The following GABRA1 variants were observed in gnomAD, a reference collection of about 807,000 sequenced individuals.
GABRA1 encodes gamma-aminobutyric acid type A receptor subunit alpha1.
Under a neutral mutation model 48.9 loss-of-function variants are expected in GABRA1, and 9 were observed. That is an observed-to-expected ratio of 0.18 (90% confidence interval 0.11 to 0.32). The LOEUF (loss-of-function observed/expected upper bound fraction) is 0.32, where lower values mean the gene tolerates loss of function less well. Among genes scored for constraint, GABRA1 ranks in the 10% least tolerant of loss-of-function variants. The probability of loss-of-function intolerance (pLI) is 1.00; values close to 1 mark genes in which losing one functional copy is unlikely to be tolerated. For missense variants in GABRA1, 285 were observed against 553.8 expected (o/e 0.51, Z 4.87); for synonymous variants, 210 against 198.7 (o/e 1.06, Z -0.48).
At chr5:161,873,080 C>T (rs1754193704) in intron 4 of GABRA1, 37 bp from the exon 5 acceptor site, 3 of 1,463,550 alleles carry the variant, frequency 2.0e-6, no homozygotes, top group Non-Finnish European at 2.9e-6. Flanking sequence ...CAAAATACAG[C>T]ACAGTGAACT....
Position 161,899,170 on chromosome 5 carries a change from T to C in GABRA1, c.*1748T>C, listed in dbSNP as rs959488607. On this transcript the variant is annotated 3_prime_UTR_variant, in exon 10 of 10. Transcript: ENST00000393943. ...TTAGCATTATTGCCAAATAAGACAGTTGGGATCCAAACCCAAGTCTTGAGC... is the reference window on the plus strand; with the variant it reads ...TTAGCATTATTGCCAAATAAGACAGCTGGGATCCAAACCCAAGTCTTGAGC... 2 of 152,580 alleles carry C rather than the reference T, an allele frequency of 1.3e-5. No individual in the cohort carries two copies. The highest frequency in any genetic ancestry group is 2.4e-5 in the African/African-American group (1 of 41,454). 9.5% of individuals were successfully genotyped at this position (152,580 alleles called of 1,614,324 possible). A position where few individuals can be genotyped will look rare whatever the true frequency, so the allele number is the denominator to read the frequency against.
intron 4 of GABRA1, among the ~76,000 whole-genome samples, chr5:161,869,550 C>T (rs1561573501): frequency 1.3e-5 from 2 of 152,168 alleles, no homozygotes; most frequent in African/African-American, 4.8e-5. Context: ...TAGGTTCTGA[C>T]AGAAATATCC....
At chr5:161,870,429 C>T (rs62381655) in intron 4 of GABRA1, among the ~76,000 whole-genome samples, 40,866 of 151,502 alleles carry the variant, frequency 0.27, 6,442 homozygotes, top group Non-Finnish European at 0.36. Flanking sequence ...GGCCTGGTGG[C>T]GCATGCCTGT....
At chr5:161,850,361 A>G (rs564399212) in intron 1 of GABRA1, 32 of 360,684 alleles carry the variant, frequency 8.9e-5, no homozygotes, top group African/African-American at 6.3e-4. Context: ...CAATCCCTAA[A>G]TATGTTCTTC....
In GABRA1 at chr5:161,895,884, G is replaced by A; in HGVS notation, c.1059+16G>A. Reference sequence around the variant, plus strand: ...TCCAGAAAAGGTAAATGCTTTAATGGTCACTGTAGTACATCAATATTATGT... The same window carrying A: ...TCCAGAAAAGGTAAATGCTTTAATGATCACTGTAGTACATCAATATTATGT... On this transcript the variant is annotated intron_variant, in intron 9 of 9. Transcript: ENST00000393943. The A allele has an allele frequency of 1.9e-6, 3 of 1,587,792 alleles. No homozygotes were observed. The highest frequency in any genetic ancestry group is 1.7e-5 in the Admixed American group (1 of 59,998).
chr5:161,889,676 G>A (rs1489390798), intron 7 of GABRA1, among the ~76,000 whole-genome samples: 1 of 152,016 alleles, frequency 6.6e-6, no homozygotes, highest in African/African-American at 2.4e-5. Context: ...TACAGATTAG[G>A]AAGTTTGCTT....
At chr5:161,850,093 G>T (rs1757376654) in intron 1 of GABRA1, 1 of 152,594 alleles carries the variant, frequency 6.6e-6, no homozygotes, top group Non-Finnish European at 1.5e-5. Context: ...GTGTGTGTGT[G>T]TGTGTGTGTG....
chr5:161,875,575 T>C lies in GABRA1; in HGVS notation c.492T>C (p.Ala164=). ...LLYTMRLTVR[A]ECPMHLEDFP... ...TTCCCTTAAGGCTGACAGTGAGAGC[T>C]GAATGTCCGATGCATTTGGAGGACT... Residue 164 remains alanine (A), a synonymous_variant, in exon 6 of 10, where the codon GCT becomes GCC. Transcript: ENST00000393943. The C allele has an allele frequency of 1.9e-6, 3 of 1,613,440 alleles. No individual in the cohort carries two copies. Among genetic ancestry groups the C allele is most frequent in the Non-Finnish European group, 2.5e-6 (3 of 1,179,492 alleles).
intron 4 of GABRA1, among the ~76,000 whole-genome samples, chr5:161,871,008 A>T (rs1000240372): frequency 6.9e-6 from 1 of 145,932 alleles, no homozygotes; most frequent in African/African-American, 2.6e-5. Context: ...CTGGTACAGT[A>T]TTTGAAGGAA....
chr5:161,874,747 T>A, intron 5 of GABRA1, among the ~76,000 whole-genome samples: 1 of 152,276 alleles, frequency 6.6e-6, no homozygotes, highest in East Asian at 1.9e-4. Flanking sequence ...TCTATCTTAC[T>A]ACGTTTCTTG....
intron 4 of GABRA1, 93 bp from the exon 5 acceptor site, chr5:161,873,024 C>G: frequency 1.0e-6 from 1 of 958,726 alleles, no homozygotes; most frequent in Non-Finnish European, 1.7e-6. Flanking sequence ...ATTATACTTC[C>G]AAAGTTGCAA....
intron 6 of GABRA1, 103 bp from the exon 7 acceptor site, chr5:161,882,455 T>C: frequency 8.8e-7 from 1 of 1,131,762 alleles, no homozygotes; most frequent in East Asian, 2.4e-5. Flanking sequence ...GCCTGCCCTC[T>C]GGAACCATGA....
intron 3 of GABRA1, among the ~76,000 whole-genome samples, chr5:161,865,018 G>A (rs559696993): frequency 1.3e-5 from 2 of 152,030 alleles, no homozygotes; most frequent in African/African-American, 4.8e-5. Flanking sequence ...CTCTGGAAAT[G>A]TCTGTGTTCA....
intron 6 of GABRA1, among the ~76,000 whole-genome samples, chr5:161,880,385 C>T (rs967964698): frequency 3.3e-5 from 5 of 152,156 alleles, no homozygotes; most frequent in African/African-American, 2.4e-5. Flanking sequence ...TAGGGTCCTT[C>T]TCAAACTAGT....
At chr5:161,893,762 G>C (rs1025074606) in intron 8 of GABRA1, among the ~76,000 whole-genome samples, 1 of 152,234 alleles carries the variant, frequency 6.6e-6, no homozygotes, top group Admixed American at 6.5e-5. Flanking sequence ...AGCTTCAGTT[G>C]TCTGTTAAAT....
chr5:161,876,584 G>T (rs1009869535), intron 6 of GABRA1, among the ~76,000 whole-genome samples: 1 of 152,146 alleles, frequency 6.6e-6, no homozygotes, highest in Non-Finnish European at 1.5e-5. Context: ...CGGGCTCCTA[G>T]CAGCATCAGT....
rs184540061 is a variant in GABRA1 at position 161,877,567 on chromosome 5, G to A, written c.559+1925G>A. Among the ~76,000 whole-genome samples, 551 of 152,178 alleles carry A rather than the reference G, an allele frequency of 3.6e-3. 5 individuals are homozygous for A. The highest frequency in any genetic ancestry group is 5.9e-3 in the Non-Finnish European group (403 of 67,990). On this transcript the variant is annotated intron_variant, in intron 6 of 9. Transcript: ENST00000393943. ...AAAATGAAAGGAGTAATGCCTATACGAAAAAGATAAAAGCTTTCCCTAAAA... is the reference window on the plus strand; with the variant it reads ...AAAATGAAAGGAGTAATGCCTATACAAAAAAGATAAAAGCTTTCCCTAAAA...
chr5:161,862,506 A>C lies in GABRA1; in HGVS notation c.188-3215A>C, dbSNP rs191287438. 5.9e-5 allele frequency among the ~76,000 whole-genome samples: 9 copies of C among 151,808 alleles called. No individual in the cohort carries two copies. In the East Asian group the frequency reaches 1.8e-3, roughly 30 times the overall value. On this transcript the variant is annotated intron_variant, in intron 3 of 9. Coordinates refer to ENST00000393943, the MANE Select transcript of GABRA1 (RefSeq NM_001127644.2). ...ATCTCTTCAAATGACATTTTTTCAG[A>C]GCATTTATAATCTGAATTTAATTAG...
intron 7 of GABRA1, 56 bp from the exon 8 acceptor site, chr5:161,890,842 G>C (rs770316203): frequency 7.9e-6 from 12 of 1,522,286 alleles, no homozygotes; most frequent in Non-Finnish European, 1.1e-5. Context: ...AAACCTCAGA[G>C]ATTACCTTTT....
Sources: allele counts gnomAD v4.1 joint callset (sites outside exome capture counted in the v4.1 genomes callset), GRCh38; gene constraint gnomAD v4.1.1; transcripts MANE v1.5; gene names NCBI Gene and HGNC (gene_info 2026-07-23, HGNC 2026-07-21).